PCDHA12: variants seen among roughly 807,000 people sequenced by gnomAD.
The protein encoded by PCDHA12 is protocadherin alpha 12, also known as protocadherin alpha-12.
A neutral mutation model predicts 60.0 loss-of-function variants in PCDHA12; 44 were observed. The ratio of observed to expected loss-of-function variants is 0.73; its 90% CI spans 0.58 to 0.94. The LOEUF (loss-of-function observed/expected upper bound fraction) is 0.94, where lower values mean the gene tolerates loss of function less well. PCDHA12 is among the 40% of genes least tolerant of loss of function. The probability of loss-of-function intolerance (pLI) is 0.00; values close to 1 mark genes in which losing one functional copy is unlikely to be tolerated. For missense variants in PCDHA12, 1,276 were observed against 1,239.7 expected (o/e 1.03, Z -0.44); for synonymous variants, 569 against 553.0 (o/e 1.03, Z -0.40).
At chr5:140,879,335 C>T (rs1388490473) in intron 1 of PCDHA12, among the ~76,000 whole-genome samples, 1 of 152,072 alleles carries the variant, frequency 6.6e-6, no homozygotes, top group Non-Finnish European at 1.5e-5. Context: ...TTAGTTTGTT[C>T]AGCTGAGAAG....
At chr5:140,896,882 T>C (rs1345268084) in intron 1 of PCDHA12, among the ~76,000 whole-genome samples, 1 of 152,198 alleles carries the variant, frequency 6.6e-6, no homozygotes. Flanking sequence ...TTATGGGGTA[T>C]ATGAGACATT....
intron 1 of PCDHA12, among the ~76,000 whole-genome samples, chr5:140,917,535 T>C (rs2078248743): frequency 3.3e-5 from 5 of 152,278 alleles, no homozygotes; most frequent in South Asian, 4.1e-4. Flanking sequence ...TTGTATAGTT[T>C]TAGGTTTTAC....
intron 1 of PCDHA12, among the ~76,000 whole-genome samples, chr5:140,965,664 ATAAATG>A (rs1251201552): frequency 1.3e-5 from 2 of 152,254 alleles, no homozygotes; most frequent in Non-Finnish European, 2.9e-5. Flanking sequence ...GTCTTGGGTG[ATAAATG>A]TAAAAGATTT....
At chr5:140,957,134 T>C (rs2095335911) in intron 1 of PCDHA12, among the ~76,000 whole-genome samples, 1 of 152,210 alleles carries the variant, frequency 6.6e-6, no homozygotes, top group Admixed American at 6.5e-5. Flanking sequence ...TACTACACTA[T>C]GAACTAAAAA....
At chr5:140,884,440 G>A in intron 1 of PCDHA12, 1 of 1,613,830 alleles carries the variant, frequency 6.2e-7, no homozygotes, top group Non-Finnish European at 8.5e-7. Flanking sequence ...TGCGGTGCTC[G>A]GCACCGCCCA....
chr5:140,987,096 C>T (rs1266691790), intron 3 of PCDHA12, among the ~76,000 whole-genome samples: 3 of 151,912 alleles, frequency 2.0e-5, no homozygotes, highest in African/African-American at 7.3e-5. Context: ...TGCCTGTAAT[C>T]CCAGCTACTC....
Position 140,877,100 on chromosome 5 carries a change from C to A in PCDHA12, c.1628C>A (p.Pro543Gln), listed in dbSNP as rs782669477. The A allele has an allele frequency of 2.5e-6, 4 of 1,613,344 alleles. No homozygotes were observed. The highest frequency in any genetic ancestry group is 1.3e-5 in the African/African-American group (1 of 74,922). The part of the protein sequence containing the change: ...FQVSARDAGV[P>Q]PLGSNVTLQV... ...GTGAGCGCGCGCGACGCCGGCGTGC[C>A]GCCTCTGGGCAGCAACGTGACGCTG... Residue 543 changes from proline to glutamine, a missense_variant, in exon 1 of 4, where the codon CCG (proline) becomes CAG (glutamine). Transcript: ENST00000398631.
Position 140,876,206 on chromosome 5 carries a change from C to A in PCDHA12, c.734C>A (p.Pro245His). The change falls in exon 1 of 4, where the codon CCC (proline) becomes CAC (histidine). Residue 245 changes from proline to histidine, a missense_variant. Transcript: ENST00000398631. The stretch of plus-strand genomic sequence containing the variant: ...GACAATGGTCCGGCGTTTGATAAGC[C>A]CAGCTATAAAGTAGTGTTGTCTGAA... ...VNDNGPAFDK[P>H]SYKVVLSENV... is the part of the protein sequence containing the mutation. 1 of 1,613,864 alleles carries A rather than the reference C, an allele frequency of 6.2e-7. No homozygotes were observed. Among genetic ancestry groups the A allele is most frequent in the Non-Finnish European group, 8.5e-7 (1 of 1,179,882 alleles).
intron 1 of PCDHA12, among the ~76,000 whole-genome samples, chr5:140,893,391 G>A (rs1481818388): frequency 6.6e-6 from 1 of 152,158 alleles, no homozygotes; most frequent in Non-Finnish European, 1.5e-5. Context: ...AGTGGCTCAT[G>A]CCTGTAATCC....
chr5:140,993,203 A>T (rs1563587510), intron 3 of PCDHA12, among the ~76,000 whole-genome samples: 2 of 152,090 alleles, frequency 1.3e-5, no homozygotes, highest in African/African-American at 4.8e-5. Context: ...ACTAAAGCTA[A>T]TTTTTTTAGC....
At chr5:141,006,077 T>C (rs1554260547) in intron 3 of PCDHA12, among the ~76,000 whole-genome samples, 1 of 150,908 alleles carries the variant, frequency 6.6e-6, no homozygotes, top group East Asian at 1.9e-4. Flanking sequence ...ATCAGATTAT[T>C]GAAGGGACTT....
chr5:140,938,207 A>G (rs782001361), intron 1 of PCDHA12, among the ~76,000 whole-genome samples: 6 of 152,112 alleles, frequency 3.9e-5, no homozygotes, highest in Non-Finnish European at 8.8e-5. Flanking sequence ...CAGCCTCCCA[A>G]AGTGCTGGGA....
chr5:140,965,648 GA>G (rs2095919572), intron 1 of PCDHA12, among the ~76,000 whole-genome samples: 1 of 152,128 alleles, frequency 6.6e-6, no homozygotes, highest in Non-Finnish European at 1.5e-5. Context: ...ACTCTTGAAA[GA>G]AAATGTCTTG....
At chr5:140,966,851 C>T (rs782524148) in intron 1 of PCDHA12, 15 of 1,573,232 alleles carry the variant, frequency 9.5e-6, no homozygotes, top group Middle Eastern at 1.7e-4. Context: ...ACTGCCTCTC[C>T]TGCTGCTGTT....
rs187442653 is a variant in PCDHA12 at position 140,926,080 on chromosome 5, C to T, written c.2367+48241C>T. ...TCCCCTCCTTGTCGTCTCTATTGCC[C>T]TCTTGGCAGCTCCTGGGATACAAGA... On this transcript the variant is annotated intron_variant, in intron 1 of 3. Transcript: ENST00000398631. Among the ~76,000 whole-genome samples, 179 of 152,334 alleles carry T rather than the reference C, an allele frequency of 1.2e-3. 1 individual carries two copies. Among genetic ancestry groups the T allele is most frequent in the African/African-American group, 3.9e-3 (162 of 41,574 alleles).
At chr5:140,976,578 A>C (rs997881753) in intron 1 of PCDHA12, among the ~76,000 whole-genome samples, 1 of 152,204 alleles carries the variant, frequency 6.6e-6, no homozygotes, top group Admixed American at 6.5e-5. Context: ...TATAAATAAA[A>C]CACAGACTTT....
chr5:140,995,434 A>G (rs146744164), intron 3 of PCDHA12, among the ~76,000 whole-genome samples: 4 of 152,320 alleles, frequency 2.6e-5, no homozygotes, highest in African/African-American at 7.2e-5. Context: ...ACAGCTTGCA[A>G]TTTAAAACTT....
At chr5:141,008,488 C>A (rs1300609417) in intron 3 of PCDHA12, among the ~76,000 whole-genome samples, 1 of 152,124 alleles carries the variant, frequency 6.6e-6, no homozygotes, top group Non-Finnish European at 1.5e-5. Flanking sequence ...CTAGAAGTCA[C>A]TGGTATACTT....
At chr5:140,920,851 A>C (rs1370021063) in intron 1 of PCDHA12, among the ~76,000 whole-genome samples, 1 of 152,008 alleles carries the variant, frequency 6.6e-6, no homozygotes, top group Non-Finnish European at 1.5e-5. Flanking sequence ...TAAAAAAAAA[A>C]AAAAAAACAA....
Sources: gnomAD v4.1 joint callset for allele counts (sites outside exome capture counted in the v4.1 genomes callset) on GRCh38, gnomAD v4.1.1 for gene constraint, MANE v1.5 for transcripts, NCBI Gene and HGNC (gene_info 2026-07-23, HGNC 2026-07-21) for gene names.